Variants in GRID1 observed in about 807,000 individuals in gnomAD.
The protein encoded by GRID1 is glutamate ionotropic receptor delta type subunit 1.
A neutral mutation model predicts 98.0 loss-of-function variants in GRID1; 28 were observed. That is an observed-to-expected ratio of 0.29 (90% CI 0.21 to 0.39). GRID1 has a LOEUF of 0.39. Among genes scored for constraint, GRID1 ranks in the 10% least tolerant of loss-of-function variants. GRID1 has a pLI of 1.00. For missense variants in GRID1, 1,111 were observed against 1,340.5 expected (o/e 0.83, Z 2.67); for synonymous variants, 553 against 538.5 (o/e 1.03, Z -0.37).
intron 4 of GRID1, among the ~76,000 whole-genome samples, chr10:86,029,335 A>G (rs1843155482): frequency 6.6e-6 from 1 of 152,210 alleles, no homozygotes; most frequent in South Asian, 2.1e-4. Flanking sequence ...CCTTCAAAAT[A>G]CATCCAAAAT....
chr10:86,248,224 C>T (rs1433398624), intron 2 of GRID1, among the ~76,000 whole-genome samples: 2 of 152,214 alleles, frequency 1.3e-5, no homozygotes, highest in Admixed American at 6.5e-5. Context: ...CTCCTGCCAG[C>T]GGGAGTCACC....
intron 4 of GRID1, among the ~76,000 whole-genome samples, chr10:85,943,039 A>T (rs7097654): frequency 0.059 from 9,032 of 152,238 alleles, 882 homozygotes; most frequent in African/African-American, 0.21. Context: ...TTGATATCTA[A>T]TCATTTGTTT....
At chr10:86,133,380 C>T (rs1367504313) in intron 4 of GRID1, among the ~76,000 whole-genome samples, 3 of 152,188 alleles carry the variant, frequency 2.0e-5, no homozygotes, top group African/African-American at 4.8e-5. Context: ...TTCTCCACTG[C>T]TGCTTACCAC....
At chr10:85,979,567 G>C (rs1471780687) in intron 4 of GRID1, among the ~76,000 whole-genome samples, 1 of 152,122 alleles carries the variant, frequency 6.6e-6, no homozygotes, top group Admixed American at 6.5e-5. Flanking sequence ...CTCTGTGTAT[G>C]TCCTGAATAC....
intron 4 of GRID1, among the ~76,000 whole-genome samples, chr10:85,979,168 G>C (rs1455437482): frequency 1.3e-5 from 2 of 152,246 alleles, no homozygotes; most frequent in South Asian, 2.1e-4. Context: ...GGAAAGCCCT[G>C]CGTGAAACCT....
Position 86,003,205 on chromosome 10 carries a change from G to A in GRID1, c.727-86966C>T, listed in dbSNP as rs559620175. 2.0e-5 allele frequency among the ~76,000 whole-genome samples: 3 copies of A among 152,306 alleles called. No homozygotes were observed. The South Asian group carries it at 6.2e-4, about 32-fold the overall frequency. On this transcript the variant is annotated intron_variant, in intron 4 of 15. Transcript: ENST00000327946. ...GTGTCAAGCACGTGTTGAGCCATGG[G>A]GATAGAGTTGATGATGAAGAGCCAG...
rs568105031 is a variant in GRID1 at position 86,337,778 on chromosome 10, G to A, written c.235+26163C>T. 1.8e-4 allele frequency among the ~76,000 whole-genome samples: 24 copies of A among 136,480 alleles called. No individual in the cohort carries two copies. In the South Asian group the frequency reaches 5.0e-3, roughly 28 times the overall value. The allele number at this position is 136,480 out of a possible 152,430, so 89.5% of individuals were successfully genotyped here. On this transcript the variant is annotated intron_variant, in intron 2 of 15. Transcript: ENST00000327946. ...GCTGGAGTGCAGTGACATGATCTCG[G>A]CTCACTGAAACCTCGGTCTCCCAGG... is the stretch of plus-strand genomic sequence containing the variant.
chr10:86,275,080 TG>T (rs1454232314), intron 2 of GRID1, among the ~76,000 whole-genome samples: 1 of 152,234 alleles, frequency 6.6e-6, no homozygotes, highest in Non-Finnish European at 1.5e-5. Context: ...GAGAGATGTT[TG>T]GGGTATTTTT....
At chr10:86,231,277 C>A (rs1846448383) in intron 2 of GRID1, among the ~76,000 whole-genome samples, 1 of 152,182 alleles carries the variant, frequency 6.6e-6, no homozygotes, top group African/African-American at 2.4e-5. Flanking sequence ...AGGAGGGAGG[C>A]AGGGGGCCCG....
chr10:86,000,446 G>A (rs1289371913), intron 4 of GRID1, among the ~76,000 whole-genome samples: 2 of 152,088 alleles, frequency 1.3e-5, no homozygotes, highest in Non-Finnish European at 2.9e-5. Flanking sequence ...ACATACATAT[G>A]GAAAGGCAAA....
chr10:85,630,198 G>A (rs7073680), intron 13 of GRID1, among the ~76,000 whole-genome samples: 2,442 of 152,168 alleles, frequency 0.016, 41 homozygotes, highest in East Asian at 0.05. Context: ...CAGACAGCAC[G>A]GCATGGTATG....
At chr10:85,934,126 G>A (rs1426900466) in intron 4 of GRID1, among the ~76,000 whole-genome samples, 1 of 152,118 alleles carries the variant, frequency 6.6e-6, no homozygotes, top group African/African-American at 2.4e-5. Context: ...GATAGTGCAT[G>A]CAGTCTGTGG....
intron 4 of GRID1, among the ~76,000 whole-genome samples, chr10:86,086,065 C>T (rs1279016815): frequency 6.6e-6 from 1 of 152,096 alleles, no homozygotes; most frequent in Non-Finnish European, 1.5e-5. Flanking sequence ...TCCCCATGTC[C>T]CCAGGGCTGA....
In GRID1 at chr10:86,366,380, T is replaced by G; in HGVS notation, c.13A>C (p.Thr5Pro). The change falls in exon 1 of 16, where the codon ACG becomes CCG. Residue 5 changes from threonine (T) to proline (P), a missense_variant. This residue lies in a region of GRID1 where 346 missense variants were observed against 452.3 expected (regional missense o/e 0.76). Coordinates refer to ENST00000327946, the MANE Select transcript of GRID1 (RefSeq NM_017551.3). The surrounding 1 kb of genome is among the most constrained non-coding windows in gnomAD (Gnocchi z 4.1). Reference sequence around the variant, plus strand: ...CATATCCAGGGGAGAAGCCACAGCGTCAGCGCTTCCATGTCCCCCGGGCGC... The same window carrying G: ...CATATCCAGGGGAGAAGCCACAGCGGCAGCGCTTCCATGTCCCCCGGGCGC... Reference protein sequence around the residue: MEALTLWLLPWICQC... With the variant: MEALPLWLLPWICQC... 1 of 1,510,572 alleles carries G rather than the reference T, an allele frequency of 6.6e-7. No individual in the cohort carries two copies. The highest frequency in any genetic ancestry group is 8.9e-7 in the Non-Finnish European group (1 of 1,126,776). 93.6% of individuals were successfully genotyped at this position (1,510,572 alleles called of 1,614,324 possible).
At chr10:86,352,784 C>A (rs1848480647) in intron 2 of GRID1, among the ~76,000 whole-genome samples, 1 of 152,178 alleles carries the variant, frequency 6.6e-6, no homozygotes, top group Non-Finnish European at 1.5e-5. Context: ...CAGCTCTGGA[C>A]ACAAGAACTC....
chr10:85,613,145 C>T, intron 15 of GRID1: 1 of 511,212 alleles, frequency 2.0e-6, no homozygotes, highest in Non-Finnish European at 3.5e-6. Flanking sequence ...GCTGTACCTG[C>T]TCTATAGATA....
intron 4 of GRID1, among the ~76,000 whole-genome samples, chr10:86,102,176 T>C (rs1425155065): frequency 6.6e-6 from 1 of 152,206 alleles, no homozygotes; most frequent in African/African-American, 2.4e-5. Flanking sequence ...GGTAATGACA[T>C]GATCAGCTAG....
At chr10:85,611,555 A>C (rs1245760227) in intron 15 of GRID1, among the ~76,000 whole-genome samples, 1 of 152,226 alleles carries the variant, frequency 6.6e-6, no homozygotes, top group Non-Finnish European at 1.5e-5. Flanking sequence ...AAAACAAGCA[A>C]AATCCAAAAC....
rs111244105 is a variant in GRID1, at chr10:85,855,914, C to G, written c.1113+115G>C. On this transcript the variant is annotated intron_variant, in intron 7 of 15. Transcript: ENST00000327946. ...CAAGGAGAGAGGAATGGGGAGGGGC[C>G]TACTGGGGCAGCCACACAGAGCCTA... 756 of 856,784 alleles carry G rather than the reference C, an allele frequency of 8.8e-4. 6 individuals carry two copies. In the African/African-American group the frequency reaches 0.011, roughly 13 times the overall value. The allele number at this position is 856,784 out of a possible 1,614,324, so 53.1% of individuals were successfully genotyped here.
Sources: allele counts gnomAD v4.1 joint callset (sites outside exome capture counted in the v4.1 genomes callset), GRCh38; gene constraint gnomAD v4.1.1; regional missense constraint gnomAD v4.1.1; non-coding constraint Gnocchi (gnomAD v3.1); transcripts MANE v1.5; gene names NCBI Gene and HGNC (gene_info 2026-07-23, HGNC 2026-07-21).